KSR1: variants seen among roughly 807,000 people sequenced by gnomAD.
The protein encoded by KSR1 is kinase suppressor of ras.
Under a neutral mutation model 92.9 loss-of-function variants are expected in KSR1, and 35 were observed. The ratio of observed to expected loss-of-function variants is 0.38; its 90% CI spans 0.29 to 0.50. The LOEUF is 0.50. Ranked by LOEUF, KSR1 falls within the 20% of genes least tolerant of loss-of-function variation. The probability of loss-of-function intolerance (pLI) is 0.94; values close to 1 mark genes in which losing one functional copy is unlikely to be tolerated. For synonymous variants in KSR1, 467 were observed against 472.6 expected (o/e 0.99, Z 0.15); for missense variants, 972 against 1,158.5 (o/e 0.84, Z 2.34).
intron 20 of KSR1, chr17:27,622,978 CTT>C: frequency 3.0e-6 from 1 of 331,616 alleles, no homozygotes; most frequent in Non-Finnish European, 5.5e-6. Context: ...TCATGTTTCT[CTT>C]CTCTCTCAGT....
intron 1 of KSR1, among the ~76,000 whole-genome samples, chr17:27,492,187 A>C (rs10083891): frequency 0.23 from 35,180 of 152,010 alleles, 4,432 homozygotes; most frequent in Admixed American, 0.35. Flanking sequence ...CAAAATAGAA[A>C]TTCATGAAGG....
chr17:27,621,860 C>T (rs1257007681), intron 20 of KSR1: 1 of 1,550,534 alleles, frequency 6.4e-7, no homozygotes, highest in Non-Finnish European at 8.9e-7. Flanking sequence ...ACCTCTAGCT[C>T]CCGACAGGCT....
chr17:27,538,961 C>A (rs755737800), intron 1 of KSR1, among the ~76,000 whole-genome samples: 2 of 152,206 alleles, frequency 1.3e-5, no homozygotes, highest in Non-Finnish European at 2.9e-5. Context: ...GCACAGTCTC[C>A]TTCTCATAGT....
chr17:27,478,458 T>G (rs1002109796), intron 1 of KSR1, among the ~76,000 whole-genome samples: 1 of 152,234 alleles, frequency 6.6e-6, no homozygotes, highest in African/African-American at 2.4e-5. Context: ...TATTGTTTTT[T>G]GCATGACGTC....
At chr17:27,541,242 CACAGGAGGACT>C (rs2070951273) in intron 1 of KSR1, among the ~76,000 whole-genome samples, 1 of 152,186 alleles carries the variant, frequency 6.6e-6, no homozygotes, top group Non-Finnish European at 1.5e-5. Context: ...CTGCACCTGC[CACAGGAGGACT>C]AAATAAAACA....
chr17:27,469,993 A>AGTGTGTGTGTGT (rs145390989), intron 1 of KSR1, among the ~76,000 whole-genome samples: 4 of 139,570 alleles, frequency 2.9e-5, no homozygotes, highest in African/African-American at 5.5e-5. Context: ...ATGGAGATGG[A>AGTGTGTGTGTGT]GTGTGTGTGT....
At chr17:27,558,268 C>CTTTTTTTTTTTTTT (rs35172937) in intron 2 of KSR1, 1 of 142,054 alleles carries the variant, frequency 7.0e-6, no homozygotes. Context: ...CCTTCTCTCT[C>CTTTTTTTTTTTTTT]TTTTTTTTTT....
chr17:27,527,725 T>G (rs867499759), intron 1 of KSR1, among the ~76,000 whole-genome samples: 5 of 152,320 alleles, frequency 3.3e-5, no homozygotes, highest in Middle Eastern at 3.4e-3. Context: ...TCAGACTGTA[T>G]AAGAATCATG....
At chr17:27,478,189 C>G (rs2068402467) in intron 1 of KSR1, among the ~76,000 whole-genome samples, 1 of 152,220 alleles carries the variant, frequency 6.6e-6, no homozygotes, top group African/African-American at 2.4e-5. Flanking sequence ...GGAGTATGTG[C>G]TTTAATCAGG....
intron 5 of KSR1, among the ~76,000 whole-genome samples, chr17:27,586,302 AG>A (rs1296395051): frequency 1.3e-5 from 2 of 152,224 alleles, no homozygotes; most frequent in Non-Finnish European, 2.9e-5. Flanking sequence ...GGAGGGAGAC[AG>A]CTGTGCCTCT....
At chr17:27,622,149 T>C in intron 20 of KSR1, 1 of 591,398 alleles carries the variant, frequency 1.7e-6, no homozygotes, top group East Asian at 2.9e-5. Context: ...CCCAAGTAAC[T>C]GCTCTCAGAG....
chr17:27,621,379 A>ATCTTTGCAC (rs2074219221), intron 20 of KSR1, 106 bp downstream of exon 20: 1 of 396,406 alleles, frequency 2.5e-6, no homozygotes, highest in Non-Finnish European at 4.4e-6. Context: ...TCTTTGTGTC[A>ATCTTTGCAC]TTTATTCTCG....
intron 1 of KSR1, among the ~76,000 whole-genome samples, chr17:27,514,454 T>A (rs1283032931): frequency 1.3e-5 from 2 of 150,712 alleles, no homozygotes; most frequent in African/African-American, 2.4e-5. Flanking sequence ...AAGTCAGGAG[T>A]TCAAGACCAG....
chr17:27,582,718 C>T lies in KSR1; in HGVS notation c.593C>T (p.Thr198Met), dbSNP rs751430732. 47 of 1,613,754 alleles carry T rather than the reference C, an allele frequency of 2.9e-5. No homozygotes were observed. The highest frequency in any genetic ancestry group is 3.5e-5 in the Non-Finnish European group (41 of 1,179,842). ...ARRESGSGPSTDTLSAASLPW... is the reference protein window; with the variant it reads ...ARRESGSGPSMDTLSAASLPW... ...CGGGAAAGTGGCTCAGGGCCTTCCA[C>T]GGACACCCTCTCAGCAGCCAGCCTG... Residue 198 changes from threonine (T) to methionine (M), a missense_variant, in exon 4 of 21, where the codon ACG becomes ATG. Transcript: ENST00000644974.
At chr17:27,580,685 G>A (rs1305552075) in intron 3 of KSR1, among the ~76,000 whole-genome samples, 1 of 152,214 alleles carries the variant, frequency 6.6e-6, no homozygotes, top group African/African-American at 2.4e-5. Flanking sequence ...ACACTGGGGA[G>A]AAGAACAGAT....
At chr17:27,485,847 T>G (rs2068647884) in intron 1 of KSR1, among the ~76,000 whole-genome samples, 1 of 152,202 alleles carries the variant, frequency 6.6e-6, no homozygotes, top group African/African-American at 2.4e-5. Flanking sequence ...TTGATTTCCT[T>G]TTTTGTAAAA....
chr17:27,617,833 C>T (rs2074107054), intron 19 of KSR1: 3 of 200,992 alleles, frequency 1.5e-5, no homozygotes, highest in African/African-American at 2.3e-5. Flanking sequence ...TGGCCTCTGC[C>T]CAGGAGTTTG....
At chr17:27,578,487 G>A (rs2072612772) in intron 3 of KSR1, 1 of 152,276 alleles carries the variant, frequency 6.6e-6, no homozygotes, top group Admixed American at 6.5e-5. Context: ...GGCAGATGCT[G>A]AAAATAAACA....
rs2070117370 is a variant in KSR1, at chr17:27,523,307, C to T, written c.232-27261C>T. 2.0e-5 allele frequency among the ~76,000 whole-genome samples: 3 copies of T among 151,142 alleles called. No homozygotes were observed. In the South Asian group the frequency reaches 6.3e-4, roughly 31 times the overall value. ...CCAGTTCCATCTGACTTACATGAAT[C>T]AGCCCGACTACATTTAAGAAAAACG... On this transcript the variant is annotated intron_variant, in intron 1 of 20. Transcript: ENST00000644974.
Sources: gnomAD v4.1 joint callset for allele counts (sites outside exome capture counted in the v4.1 genomes callset) on GRCh38, gnomAD v4.1.1 for gene constraint, MANE v1.5 for transcripts, NCBI Gene and HGNC (gene_info 2026-07-23, HGNC 2026-07-21) for gene names.